The following MECOM variants were observed in gnomAD, a reference collection of about 807,000 sequenced individuals.
MECOM encodes the protein histone-lysine N-methyltransferase MECOM.
MECOM carries 13 observed loss-of-function variants against 116.3 expected under a neutral mutation model. The ratio of observed to expected loss-of-function variants is 0.11; its 90% CI spans 0.07 to 0.18. The LOEUF (loss-of-function observed/expected upper bound fraction) is 0.18. Among genes scored for constraint, MECOM ranks in the 10% least tolerant of loss-of-function variants. The probability of loss-of-function intolerance (pLI) is 1.00; values close to 1 mark genes in which losing one functional copy is unlikely to be tolerated. For synonymous variants in MECOM, 528 were observed against 535.2 expected (o/e 0.99, Z 0.19); for missense variants, 1,299 against 1,509.0 (o/e 0.86, Z 2.31).
intron 2 of MECOM, among the ~76,000 whole-genome samples, chr3:169,228,253 C>T (rs1158202106): frequency 2.0e-5 from 3 of 152,154 alleles, no homozygotes; most frequent in African/African-American, 7.2e-5. Context: ...TTGCCATATT[C>T]CGGGCAATAC....
At chr3:169,404,937 T>A (rs1016006214) in intron 1 of MECOM, among the ~76,000 whole-genome samples, 3 of 152,202 alleles carry the variant, frequency 2.0e-5, no homozygotes, top group African/African-American at 7.2e-5. Flanking sequence ...AATCAGGCCC[T>A]GATATGGCCT....
At chr3:169,599,541 G>C (rs1480480416) in intron 1 of MECOM, among the ~76,000 whole-genome samples, 2 of 150,028 alleles carry the variant, frequency 1.3e-5, no homozygotes, top group African/African-American at 4.9e-5. Context: ...GTGTAAACCT[G>C]TATATGGAAA....
intron 2 of MECOM, among the ~76,000 whole-genome samples, chr3:169,208,611 G>T (rs1161756807): frequency 6.6e-6 from 1 of 151,790 alleles, no homozygotes. Context: ...TTAAAGTAAG[G>T]ATCAAAATAT....
chr3:169,204,291 C>A (rs1414145496), intron 2 of MECOM, among the ~76,000 whole-genome samples: 1 of 152,186 alleles, frequency 6.6e-6, no homozygotes, highest in East Asian at 1.9e-4. Flanking sequence ...AAAGGAACTG[C>A]ATCTTGATGG....
intron 1 of MECOM, among the ~76,000 whole-genome samples, chr3:169,564,594 C>T (rs950748205): frequency 6.6e-6 from 1 of 152,142 alleles, no homozygotes; most frequent in Admixed American, 6.5e-5. Context: ...CAAGTGCCCC[C>T]CCAAAAAATA....
intron 16 of MECOM, among the ~76,000 whole-genome samples, chr3:169,087,728 T>A (rs1316674101): frequency 6.6e-6 from 1 of 152,150 alleles, no homozygotes; most frequent in Admixed American, 6.5e-5. Flanking sequence ...TGTCTCTAAG[T>A]AAAAATGAAA....
chr3:169,537,259 CATTCTGTGGAA>C (rs1759489609), intron 1 of MECOM, among the ~76,000 whole-genome samples: 1 of 152,190 alleles, frequency 6.6e-6, no homozygotes, highest in African/African-American at 2.4e-5. Context: ...GTTATAGTTT[CATTCTGTGGAA>C]TGCTGGGGAA....
At chr3:169,565,141 A>T (rs993081991) in intron 1 of MECOM, among the ~76,000 whole-genome samples, 2 of 152,182 alleles carry the variant, frequency 1.3e-5, no homozygotes, top group Non-Finnish European at 2.9e-5. Context: ...AAGGTTACAC[A>T]GTGGGGAGGG....
chr3:169,510,793 C>A (rs1166150071), intron 1 of MECOM, among the ~76,000 whole-genome samples: 1 of 152,170 alleles, frequency 6.6e-6, no homozygotes, highest in African/African-American at 2.4e-5. Flanking sequence ...CATTTTCATC[C>A]AATCTGCTAA....
chr3:169,383,633 C>T (rs1462711100), intron 1 of MECOM, among the ~76,000 whole-genome samples: 1 of 152,324 alleles, frequency 6.6e-6, no homozygotes, highest in Admixed American at 6.5e-5. Flanking sequence ...TTTCCACTAT[C>T]CATCAACACT....
chr3:169,523,910 C>A (rs2178174), intron 1 of MECOM, among the ~76,000 whole-genome samples: 76,310 of 147,122 alleles, frequency 0.52, 21,064 homozygotes, highest in African/African-American at 0.74. Context: ...CCTGTATATG[C>A]ATATATATGT....
intron 2 of MECOM, among the ~76,000 whole-genome samples, chr3:169,297,556 A>G (rs1205733790): frequency 6.6e-6 from 1 of 152,054 alleles, no homozygotes; most frequent in African/African-American, 2.4e-5. Flanking sequence ...AAGCAACAGC[A>G]CTGAGGCAGG....
At chr3:169,465,951 A>G (rs992398619) in intron 1 of MECOM, among the ~76,000 whole-genome samples, 3 of 152,190 alleles carry the variant, frequency 2.0e-5, no homozygotes, top group Admixed American at 6.5e-5. Context: ...TTCAAACACT[A>G]TGCTACTTAG....
chr3:169,219,420 T>C (rs1751828376), intron 2 of MECOM, among the ~76,000 whole-genome samples: 1 of 152,108 alleles, frequency 6.6e-6, no homozygotes, highest in East Asian at 1.9e-4. Context: ...GGTAGGAGAA[T>C]GGCCTGAACC....
chr3:169,321,453 T>A (rs563774735), intron 2 of MECOM, among the ~76,000 whole-genome samples: 1 of 151,880 alleles, frequency 6.6e-6, no homozygotes, highest in Non-Finnish European at 1.5e-5. Context: ...GGCAGGAGAA[T>A]CACTTGAGCC....
intron 1 of MECOM, among the ~76,000 whole-genome samples, chr3:169,530,665 TA>T (rs1281010404): frequency 3.3e-5 from 5 of 152,140 alleles, no homozygotes; most frequent in Admixed American, 1.3e-4. Context: ...GTAGACAGCC[TA>T]ATGTTTCAAT....
At chr3:169,534,896 T>A (rs755420082) in intron 1 of MECOM, among the ~76,000 whole-genome samples, 3 of 152,148 alleles carry the variant, frequency 2.0e-5, no homozygotes, top group Non-Finnish European at 1.5e-5. Flanking sequence ...TACCTCGGAG[T>A]GTGACCAAGT....
At chr3:169,433,955 G>A (rs1336062464) in intron 1 of MECOM, among the ~76,000 whole-genome samples, 1 of 151,616 alleles carries the variant, frequency 6.6e-6, no homozygotes, top group Non-Finnish European at 1.5e-5. Flanking sequence ...AATTCATCTG[G>A]GAAAAAAAAG....
chr3:169,191,740 G>GAGAA (rs71166250), intron 2 of MECOM, among the ~76,000 whole-genome samples: 2,697 of 64,178 alleles, frequency 0.042, 51 homozygotes, highest in Non-Finnish European at 0.055. Flanking sequence ...AAGAAAGAAA[G>GAGAA]AGAAAGAAAG....
Sources: allele counts gnomAD v4.1 joint callset (sites outside exome capture counted in the v4.1 genomes callset), GRCh38; gene constraint gnomAD v4.1.1; transcripts MANE v1.5; gene names NCBI Gene and HGNC (gene_info 2026-07-23, HGNC 2026-07-21).